DIAPH2: variants seen among roughly 807,000 people sequenced by gnomAD.
DIAPH2 encodes diaphanous related formin 2, also known as protein diaphanous homolog 2.
DIAPH2 carries 35 observed loss-of-function variants against 92.7 expected under a neutral mutation model. That is an observed-to-expected ratio of 0.38 (90% CI 0.29 to 0.50). The LOEUF (loss-of-function observed/expected upper bound fraction) is 0.50, where lower values mean the gene tolerates loss of function less well. Among genes scored for constraint, DIAPH2 ranks in the 20% least tolerant of loss-of-function variants. The pLI is 0.94. For missense variants in DIAPH2, 701 were observed against 819.5 expected (o/e 0.86, Z 1.77); for synonymous variants, 301 against 280.4 (o/e 1.07, Z -0.73).
chrX:97,243,077 C>T (rs1417072628), intron 22 of DIAPH2, among the ~76,000 whole-genome samples: 1 of 111,121 alleles, frequency 9.0e-6, no homozygotes, highest in East Asian at 2.8e-4. Context: ...TGAGCCACCG[C>T]ACCTGGCCAA....
chrX:96,769,985 G>A (rs746037448), intron 4 of DIAPH2, among the ~76,000 whole-genome samples: 1 of 111,532 alleles, frequency 9.0e-6, no homozygotes, highest in Non-Finnish European at 1.9e-5. Flanking sequence ...ATCACTTGAG[G>A]TCAGGAGTTC....
intron 23 of DIAPH2, among the ~76,000 whole-genome samples, chrX:97,280,421 C>T (rs112052626): frequency 9.0e-6 from 1 of 110,635 alleles, no homozygotes; most frequent in Non-Finnish European, 1.9e-5. Context: ...TGCAGTGAGC[C>T]GAGATCGTGC....
intron 22 of DIAPH2, among the ~76,000 whole-genome samples, chrX:97,203,509 A>T (rs1229681002): frequency 8.9e-6 from 1 of 112,061 alleles, no homozygotes. Flanking sequence ...GGTCCCACAG[A>T]AATACAAACT....
At chrX:96,930,554 A>G (rs2065612580) in intron 9 of DIAPH2, among the ~76,000 whole-genome samples, 179 bp from the exon 10 acceptor site, 1 of 111,929 alleles carries the variant, frequency 8.9e-6, no homozygotes, top group African/African-American at 3.2e-5. Context: ...TGGACATTAT[A>G]CACTTTGTCG....
intron 4 of DIAPH2, among the ~76,000 whole-genome samples, chrX:96,818,933 C>T (rs1331657598): frequency 8.9e-6 from 1 of 112,569 alleles, no homozygotes; most frequent in East Asian, 2.8e-4. Flanking sequence ...ATTGTTCCAC[C>T]TCAGATCATC....
intron 23 of DIAPH2, among the ~76,000 whole-genome samples, chrX:97,345,853 G>C (rs1300060731): frequency 9.0e-6 from 1 of 111,608 alleles, no homozygotes; most frequent in Admixed American, 9.6e-5. Context: ...AGAAGGAAAT[G>C]CTCCAAAATG....
rs144598464 is a variant in DIAPH2 at position 97,326,365 on chromosome X, T to A, written c.2845-21751T>A. Among the ~76,000 whole-genome samples the A allele has an allele frequency of 4.3e-3, 483 of 112,089 alleles. 2 individuals are homozygous for A. Among genetic ancestry groups the A allele is most frequent in the Non-Finnish European group, 7.4e-3 (396 of 53,269 alleles). On this transcript the variant is annotated intron_variant, in intron 23 of 26. Coordinates refer to ENST00000324765, the MANE Select transcript of DIAPH2 (RefSeq NM_006729.5). ...ACATGTACAAGGAATGCGACCGCCA[T>A]ATATTATTAACATCAAAATAACTCA...
At chrX:97,527,356 A>G (rs138669206) in intron 26 of DIAPH2, among the ~76,000 whole-genome samples, 1,581 of 112,606 alleles carry the variant, frequency 0.014, 27 homozygotes, top group African/African-American at 0.048. Flanking sequence ...AGAGAAATCT[A>G]GGCATGGAAC....
In DIAPH2 at chrX:97,120,614, G is replaced by GTT. The variant is rs139009030; in HGVS notation, c.2589+5671_2589+5672dup. ...AAAACATTATGAGAGTTTTTTGTGG[G>GTT]TTTTTTTTTTTTTTTTTTTTTTTAG... On this transcript the variant is annotated intron_variant, in intron 21 of 26. Transcript: ENST00000324765. 9.4e-3 allele frequency among the ~76,000 whole-genome samples: 712 copies of GTT among 75,714 alleles called. 14 individuals are homozygous for GTT. Among genetic ancestry groups the GTT allele is most frequent in the African/African-American group, 0.02 (367 of 18,539 alleles). 65.7% of individuals were successfully genotyped at this position (75,714 alleles called of 115,157 possible).
chrX:97,050,623 C>G (rs1378547424), intron 17 of DIAPH2, among the ~76,000 whole-genome samples: 1 of 106,913 alleles, frequency 9.4e-6, no homozygotes, highest in Non-Finnish European at 1.9e-5. Flanking sequence ...CAAAGATGTT[C>G]GCTTTAGCTT....
At chrX:97,001,442 A>G (rs1239962896) in intron 17 of DIAPH2, among the ~76,000 whole-genome samples, 3 of 111,663 alleles carry the variant, frequency 2.7e-5, no homozygotes, top group Non-Finnish European at 3.8e-5. Flanking sequence ...CAGGAGTTCA[A>G]GACCAGCCTG....
intron 22 of DIAPH2, among the ~76,000 whole-genome samples, chrX:97,143,221 G>C (rs1451526004): frequency 2.7e-5 from 3 of 110,920 alleles, no homozygotes; most frequent in Admixed American, 1.9e-4. Flanking sequence ...CTGACTAGAA[G>C]CATATTTACT....
intron 23 of DIAPH2, among the ~76,000 whole-genome samples, chrX:97,326,391 G>A (rs2068951762): frequency 8.9e-6 from 1 of 111,897 alleles, no homozygotes; most frequent in Non-Finnish European, 1.9e-5. Flanking sequence ...AAATAACTCA[G>A]AAGAAAAGCT....
At chrX:97,180,442 C>T (rs766461026) in intron 22 of DIAPH2, among the ~76,000 whole-genome samples, 3 of 111,665 alleles carry the variant, frequency 2.7e-5, no homozygotes, top group East Asian at 2.8e-4. Context: ...AATTTTCTCC[C>T]GTTCTGTAGG....
intron 7 of DIAPH2, among the ~76,000 whole-genome samples, chrX:96,916,199 A>G (rs1368332852): frequency 1.8e-5 from 2 of 110,776 alleles, no homozygotes; most frequent in Non-Finnish European, 3.8e-5. Context: ...CTCCAAATTT[A>G]TGGAATTTTT....
chrX:97,001,507 G>T (rs931327060), intron 17 of DIAPH2, among the ~76,000 whole-genome samples: 2 of 110,607 alleles, frequency 1.8e-5, no homozygotes, highest in Non-Finnish European at 3.8e-5. Flanking sequence ...TTAGCCAGGC[G>T]TGGTAGCAAG....
At chrX:96,961,074 C>T (rs1045143835) in intron 16 of DIAPH2, among the ~76,000 whole-genome samples, 2 of 111,138 alleles carry the variant, frequency 1.8e-5, no homozygotes, top group African/African-American at 6.5e-5. Flanking sequence ...GTTTGGTTTT[C>T]GTATTGGGGT....
intron 22 of DIAPH2, among the ~76,000 whole-genome samples, chrX:97,168,335 G>A (rs2067427464): frequency 1.8e-5 from 2 of 110,321 alleles, no homozygotes; most frequent in South Asian, 3.9e-4. Flanking sequence ...TGATCCGCCC[G>A]CCTCAACCTC....
intron 25 of DIAPH2, among the ~76,000 whole-genome samples, chrX:97,416,927 G>C (rs1481776927): frequency 1.8e-5 from 2 of 112,211 alleles, no homozygotes; most frequent in Non-Finnish European, 1.9e-5. Context: ...GGAAAAAGAG[G>C]GGCAGGGGAA....
Sources: gnomAD v4.1 joint callset for allele counts (sites outside exome capture counted in the v4.1 genomes callset) on GRCh38, gnomAD v4.1.1 for gene constraint, MANE v1.5 for transcripts, NCBI Gene and HGNC (gene_info 2026-07-23, HGNC 2026-07-21) for gene names.